RNF169: variants seen among roughly 807,000 people sequenced by gnomAD.
RNF169 encodes E3 ubiquitin-protein ligase RNF169.
A neutral mutation model predicts 53.9 loss-of-function variants in RNF169; 24 were observed. That is an observed-to-expected ratio of 0.45 (90% confidence interval 0.32 to 0.63). The LOEUF is 0.63. Ranked by LOEUF, RNF169 falls within the 20% of genes least tolerant of loss-of-function variation. The pLI is 0.04. For synonymous variants in RNF169, 396 were observed against 363.5 expected (o/e 1.09, Z -1.02); for missense variants, 883 against 906.2 (o/e 0.97, Z 0.33).
chr11:74,825,223 A>G (rs964017035), intron 4 of RNF169, among the ~76,000 whole-genome samples: 2 of 152,242 alleles, frequency 1.3e-5, no homozygotes, highest in Non-Finnish European at 1.5e-5. Flanking sequence ...ACAAGTCTCA[A>G]TATATTTTAA....
At chr11:74,769,750 C>A (rs2035232517) in intron 1 of RNF169, among the ~76,000 whole-genome samples, 1 of 152,148 alleles carries the variant, frequency 6.6e-6, no homozygotes, top group Non-Finnish European at 1.5e-5. Context: ...GGAGTCATTT[C>A]AATAGCTTGA....
At chr11:74,786,331 C>T (rs1054072790) in intron 1 of RNF169, among the ~76,000 whole-genome samples, 1 of 151,382 alleles carries the variant, frequency 6.6e-6, no homozygotes, top group African/African-American at 2.4e-5. Flanking sequence ...CTCCTGGGCT[C>T]GAGCAGTCCT....
At chr11:74,784,041 G>A (rs969943254) in intron 1 of RNF169, among the ~76,000 whole-genome samples, 6 of 152,008 alleles carry the variant, frequency 3.9e-5, no homozygotes, top group Non-Finnish European at 1.5e-5. Context: ...TCTCATAATA[G>A]TCCAGGTAGA....
intron 1 of RNF169, among the ~76,000 whole-genome samples, chr11:74,751,327 T>C (rs2034892465): frequency 6.6e-6 from 1 of 152,212 alleles, no homozygotes; most frequent in African/African-American, 2.4e-5. Context: ...ATGAAACGTC[T>C]TTAATTTTGT....
intron 1 of RNF169, among the ~76,000 whole-genome samples, chr11:74,788,639 C>T (rs2035539635): frequency 6.6e-6 from 1 of 152,176 alleles, no homozygotes; most frequent in South Asian, 2.1e-4. Context: ...AAGTGATCTG[C>T]CTGCCTTGGC....
chr11:74,794,395 A>G (rs1253839578), intron 2 of RNF169, among the ~76,000 whole-genome samples: 2 of 152,192 alleles, frequency 1.3e-5, no homozygotes, highest in East Asian at 3.8e-4. Flanking sequence ...GAAGGATGTG[A>G]TAGTGAAAGA....
chr11:74,771,288 T>C (rs1189539625), intron 1 of RNF169, among the ~76,000 whole-genome samples: 2 of 152,152 alleles, frequency 1.3e-5, no homozygotes, highest in Non-Finnish European at 2.9e-5. Context: ...CATCCCTAAT[T>C]GAAAATCTGA....
chr11:74,815,564 A>G (rs1411361103), intron 3 of RNF169, among the ~76,000 whole-genome samples: 2 of 152,202 alleles, frequency 1.3e-5, no homozygotes, highest in Non-Finnish European at 2.9e-5. Context: ...TCCAAAAAAA[A>G]AGGAACTTGG....
intron 1 of RNF169, among the ~76,000 whole-genome samples, chr11:74,789,120 A>G (rs1021766084): frequency 1.3e-5 from 2 of 152,230 alleles, no homozygotes; most frequent in African/African-American, 2.4e-5. Context: ...CCTAGGGTCT[A>G]ACAATTCCGT....
At chr11:74,822,505 A>G (rs545919554) in intron 4 of RNF169, among the ~76,000 whole-genome samples, 1 of 152,348 alleles carries the variant, frequency 6.6e-6, no homozygotes, top group South Asian at 2.1e-4. Context: ...TTATGTGTTC[A>G]GATAGACAGA....
intron 1 of RNF169, among the ~76,000 whole-genome samples, chr11:74,788,970 A>G (rs2035543959): frequency 6.6e-6 from 1 of 152,138 alleles, no homozygotes; most frequent in African/African-American, 2.4e-5. Flanking sequence ...TTCCTGTTAA[A>G]GCTTTTCTCC....
chr11:74,749,077 C>A lies in RNF169; in HGVS notation c.197C>A (p.Ser66Ter). ...CCGCTGCCGCCGCGGCCGGAGGAAT[C>A]GGGCTGCGCCGGGTGCCTGGAGCCC... ...QPPLPPRPEESGCAGCLEPPG... is the reference protein window; with the variant it reads ...QPPLPPRPEE The change falls in exon 1 of 6, where the codon TCG becomes TAG. Residue 66 changes from serine (S) to a stop codon, truncating the protein, a stop_gained. Coordinates refer to ENST00000299563, the MANE Select transcript of RNF169 (RefSeq NM_001098638.2). LOFTEE classifies it high-confidence loss of function. 6.9e-7 allele frequency: 1 copy of A among 1,452,940 alleles called. No individual in the cohort carries two copies. The highest frequency in any genetic ancestry group is 2.4e-5 in the Admixed American group (1 of 41,536). The allele number at this position is 1,452,940 out of a possible 1,614,324, so 90.0% of individuals were successfully genotyped here. A position where few individuals can be genotyped will look rare whatever the true frequency, so the allele number is the denominator to read the frequency against.
In RNF169 at chr11:74,841,972, T is replaced by C. The variant is rs1039866544; in HGVS notation, c.*5242T>C. The C allele has an allele frequency of 1.3e-5, 2 of 151,840 alleles. No homozygotes were observed. The highest frequency in any genetic ancestry group is 1.3e-4 in the Admixed American group (2 of 15,242). The allele number at this position is 151,840 out of a possible 1,614,324, so 9.4% of individuals were successfully genotyped here. On this transcript the variant is annotated 3_prime_UTR_variant, in exon 6 of 6. Transcript: ENST00000299563. ...AGTCCTAGTGAGAGAATAGATACTA[T>C]GCAAGGGAAAAAAATTTAAATGCCA...
chr11:74,751,820 C>T (rs574318164), intron 1 of RNF169, among the ~76,000 whole-genome samples: 20 of 152,284 alleles, frequency 1.3e-4, no homozygotes, highest in African/African-American at 4.3e-4. Flanking sequence ...GGAAGTATCT[C>T]TTAGCTTCAG....
At chr11:74,762,783 G>A (rs1475822087) in intron 1 of RNF169, among the ~76,000 whole-genome samples, 1 of 152,148 alleles carries the variant, frequency 6.6e-6, no homozygotes, top group African/African-American at 2.4e-5. Flanking sequence ...TGAATATACA[G>A]GAAAGATAGG....
chr11:74,814,804 C>A (rs2035921763), intron 3 of RNF169, among the ~76,000 whole-genome samples: 1 of 152,104 alleles, frequency 6.6e-6, no homozygotes, highest in Admixed American at 6.5e-5. Context: ...ATCTTAAACA[C>A]CATTGTGATG....
chr11:74,812,672 T>G (rs17133483), intron 3 of RNF169, among the ~76,000 whole-genome samples: 1,767 of 152,270 alleles, frequency 0.012, 48 homozygotes, highest in African/African-American at 0.04. Flanking sequence ...GTTGAGCAAA[T>G]AATTCCATTT....
intron 1 of RNF169, among the ~76,000 whole-genome samples, chr11:74,760,017 C>G (rs2035055422): frequency 1.3e-5 from 2 of 151,296 alleles, no homozygotes; most frequent in Admixed American, 1.3e-4. Flanking sequence ...AGAGATTCAG[C>G]TTCTTCCTGG....
rs115574620 is a variant in RNF169 at position 74,771,416 on chromosome 11, A to G, written c.503-18210A>G. 3.4e-3 allele frequency among the ~76,000 whole-genome samples: 522 copies of G among 152,334 alleles called. 7 individuals are homozygous for G. The highest frequency in any genetic ancestry group is 0.01 in the African/African-American group (419 of 41,582). Reference sequence around the variant, plus strand: ...TTTTATGCACAAAACTATTTTAATTATTAACTGGTCGCTATTATGGCTTGT... The same window carrying G: ...TTTTATGCACAAAACTATTTTAATTGTTAACTGGTCGCTATTATGGCTTGT... On this transcript the variant is annotated intron_variant, in intron 1 of 5. Transcript: ENST00000299563.
Sources: allele counts gnomAD v4.1 joint callset (sites outside exome capture counted in the v4.1 genomes callset), GRCh38; gene constraint gnomAD v4.1.1; transcripts MANE v1.5; gene names NCBI Gene and HGNC (gene_info 2026-07-23, HGNC 2026-07-21).